Variants in ITPKB observed in about 807,000 individuals in gnomAD.
ITPKB encodes IP3 3-kinase B.
ITPKB carries 13 observed loss-of-function variants against 69.4 expected under a neutral mutation model. That is an observed-to-expected ratio of 0.19 (90% confidence interval 0.12 to 0.30). ITPKB has a LOEUF of 0.30. Ranked by LOEUF, ITPKB falls within the 10% of genes least tolerant of loss-of-function variation. The pLI, the probability that ITPKB is intolerant of heterozygous loss-of-function variation, is 1.00. For missense variants in ITPKB, 1,240 were observed against 1,250.5 expected, an observed-to-expected ratio of 0.99 and a Z score of 0.13; for synonymous variants, 584 against 513.7, an observed-to-expected ratio of 1.14 and a Z score of -1.85.
At chr1:226,701,721 A>T (rs143012845) in intron 2 of ITPKB, among the ~76,000 whole-genome samples, 59 of 151,172 alleles carry the variant, frequency 3.9e-4, no homozygotes, top group Non-Finnish European at 6.9e-4. Context: ...GCACACAGGG[A>T]GTAGGAGGGG....
intron 2 of ITPKB, among the ~76,000 whole-genome samples, chr1:226,718,162 C>G (rs953028788): frequency 1.3e-5 from 2 of 151,864 alleles, no homozygotes; most frequent in Non-Finnish European, 2.9e-5. Flanking sequence ...GGTGTGGTGG[C>G]GGGCACCTGT....
chr1:226,707,665 A>T (rs1656836538), intron 2 of ITPKB: 1 of 1,016,072 alleles, frequency 9.8e-7, no homozygotes, highest in South Asian at 3.9e-5. Context: ...TCACAAGGAA[A>T]CATGTAGAGT....
Position 226,736,098 on chromosome 1 carries a change from CCAAG to C in ITPKB, c.1357_1360del (p.Leu453GlyfsTer35). On this transcript the variant is annotated frameshift_variant, in exon 2 of 8. Transcript: ENST00000429204. LOFTEE classifies it high-confidence loss of function. ...CCCCGGCTGTGCTGAGGGGCTGCCC[CCAAG>C]CAAGCCCAGCGTTGGGGACCCTCCC... 1 of 1,606,948 alleles carries C rather than the reference CCAAG, an allele frequency of 6.2e-7. No individual in the cohort carries two copies. Among genetic ancestry groups the C allele is most frequent in the Non-Finnish European group, 8.5e-7 (1 of 1,176,050 alleles).
intron 2 of ITPKB, among the ~76,000 whole-genome samples, chr1:226,700,478 A>C (rs1270005752): frequency 1.3e-5 from 2 of 149,586 alleles, no homozygotes; most frequent in Admixed American, 6.6e-5. Flanking sequence ...AAAAAAAAAA[A>C]AAAAAAAAAA....
Position 226,660,155 on chromosome 1 carries a change from G to A in ITPKB, c.1933-11384C>T, listed in dbSNP as rs566607487. 3.3e-5 allele frequency among the ~76,000 whole-genome samples: 5 copies of A among 152,332 alleles called. No homozygotes were observed. In the South Asian group the frequency reaches 1.0e-3, roughly 32 times the overall value. On this transcript the variant is annotated intron_variant, in intron 2 of 7. Coordinates refer to ENST00000429204, the MANE Select transcript of ITPKB (RefSeq NM_002221.4). ...GGTCTTTTTCACTCAAGGGTTTGGAGGGCAACCTTTCACTCAGGTTAGTCA... is the reference window on the plus strand; with the variant it reads ...GGTCTTTTTCACTCAAGGGTTTGGAAGGCAACCTTTCACTCAGGTTAGTCA...
intron 4 of ITPKB, among the ~76,000 whole-genome samples, chr1:226,643,458 G>A (rs999093719): frequency 6.6e-6 from 1 of 152,116 alleles, no homozygotes; most frequent in African/African-American, 2.4e-5. Flanking sequence ...CTGTGTGGGC[G>A]GGAGCTGCCC....
intron 2 of ITPKB, among the ~76,000 whole-genome samples, chr1:226,731,053 CTT>C (rs1018505066): frequency 5.3e-5 from 8 of 152,210 alleles, no homozygotes; most frequent in Admixed American, 2.0e-4. Flanking sequence ...ATCAATCTCT[CTT>C]TGTCTGTATA....
rs771115954 is a variant in ITPKB at position 226,736,182 on chromosome 1, G to A, written c.1277C>T (p.Ala426Val). Reference protein sequence around the residue: ...RALASVGPEEARSGAPVGGGR... With the variant: ...RALASVGPEEVRSGAPVGGGR... Reference sequence around the variant, plus strand: ...CCCGCCCACGGGGGCCCCACTTCGGGCCTCCTCAGGGCCTACGGAGGCCAG... The same window carrying A: ...CCCGCCCACGGGGGCCCCACTTCGGACCTCCTCAGGGCCTACGGAGGCCAG... Residue 426 changes from alanine (A) to valine (V), a missense_variant, in exon 2 of 8, where the codon GCC (alanine) becomes GTC (valine). By Grantham distance (64) the Ala-to-Val change is moderately conservative. Around this residue, in one of 2 missense-constraint regions of ITPKB, gnomAD observed 992 missense variants for 853.8 expected, o/e 1.16. Transcript: ENST00000429204. 6.5e-7 allele frequency: 1 copy of A among 1,548,636 alleles called. No homozygotes were observed. Among genetic ancestry groups the A allele is most frequent in the Admixed American group, 1.9e-5 (1 of 51,852 alleles).
At chr1:226,685,410 T>C (rs1042373180) in intron 2 of ITPKB, among the ~76,000 whole-genome samples, 1 of 152,158 alleles carries the variant, frequency 6.6e-6, no homozygotes, top group Non-Finnish European at 1.5e-5. Flanking sequence ...TTCCTGGCCA[T>C]TGCTCACGTG....
intron 2 of ITPKB, among the ~76,000 whole-genome samples, chr1:226,708,837 A>G (rs1656874854): frequency 6.6e-6 from 1 of 152,246 alleles, no homozygotes; most frequent in African/African-American, 2.4e-5. Context: ...AGCTGACAGC[A>G]TCTTAACTCG....
chr1:226,729,744 A>G (rs1185517796), intron 2 of ITPKB, among the ~76,000 whole-genome samples: 2 of 151,524 alleles, frequency 1.3e-5, no homozygotes, highest in Admixed American at 1.3e-4. Flanking sequence ...ATGCCCGGCT[A>G]ACTTTCGTAT....
chr1:226,654,221 T>C (rs981631493), intron 2 of ITPKB, among the ~76,000 whole-genome samples: 11 of 151,840 alleles, frequency 7.2e-5, no homozygotes, highest in African/African-American at 2.4e-4. Context: ...AGATTTGTAG[T>C]GGGAGGGAAA....
chr1:226,689,146 A>G (rs898709869), intron 2 of ITPKB, among the ~76,000 whole-genome samples: 6 of 152,218 alleles, frequency 3.9e-5, no homozygotes, highest in African/African-American at 1.4e-4. Context: ...TCCAACCAAT[A>G]ATCTCTCAAA....
chr1:226,674,683 C>T (rs1038540336), intron 2 of ITPKB, among the ~76,000 whole-genome samples: 6 of 152,122 alleles, frequency 3.9e-5, no homozygotes, highest in Non-Finnish European at 8.8e-5. Context: ...ATTAGCACCT[C>T]TCTTTAAACC....
rs540221000 is a variant in ITPKB at position 226,737,604 on chromosome 1, G to C, written c.-146C>G. 24 of 1,158,404 alleles carry C rather than the reference G, an allele frequency of 2.1e-5. No individual in the cohort carries two copies. The Admixed American group carries it at 2.8e-4, about 14-fold the overall frequency. 71.8% of individuals were successfully genotyped at this position (1,158,404 alleles called of 1,614,324 possible). On this transcript the variant is annotated 5_prime_UTR_variant, in exon 2 of 8. Transcript: ENST00000429204. ...GATGGGGCGGCATGGCCTGGGCAGC[G>C]GGCTGGGGGCACGACCGCGGGCTCA... is the stretch of plus-strand genomic sequence containing the variant.
At chr1:226,703,148 A>C (rs1656708143) in intron 2 of ITPKB, among the ~76,000 whole-genome samples, 1 of 152,122 alleles carries the variant, frequency 6.6e-6, no homozygotes, top group African/African-American at 2.4e-5. Flanking sequence ...AAAATGGGGA[A>C]TGTCTGAGTG....
At chr1:226,688,213 C>G (rs2102778755) in intron 2 of ITPKB, among the ~76,000 whole-genome samples, 1 of 152,322 alleles carries the variant, frequency 6.6e-6, no homozygotes, top group East Asian at 1.9e-4. Flanking sequence ...TCCCTGCAGC[C>G]CTGGAGGGTT....
intron 2 of ITPKB, among the ~76,000 whole-genome samples, chr1:226,681,214 A>G (rs1656086700): frequency 3.9e-5 from 6 of 152,160 alleles, no homozygotes; most frequent in Admixed American, 3.9e-4. Flanking sequence ...TTCCGAGGCC[A>G]GATTGTTCCT....
intron 2 of ITPKB, among the ~76,000 whole-genome samples, chr1:226,704,431 C>T (rs567098374): frequency 6.6e-6 from 1 of 152,336 alleles, no homozygotes; most frequent in East Asian, 1.9e-4. Flanking sequence ...AAAAAAGCTT[C>T]TCGTGTGTGC....
Sources: allele counts gnomAD v4.1 joint callset (sites outside exome capture counted in the v4.1 genomes callset), GRCh38; gene constraint gnomAD v4.1.1; regional missense constraint gnomAD v4.1.1; transcripts MANE v1.5; gene names NCBI Gene and HGNC (gene_info 2026-07-23, HGNC 2026-07-21).